Variants in BCL2L15 observed in about 807,000 individuals in gnomAD.
The protein encoded by BCL2L15 is bcl-2-like protein 15.
Under a neutral mutation model 18.3 loss-of-function variants are expected in BCL2L15, and 15 were observed. The ratio of observed to expected loss-of-function variants is 0.82; its 90% CI spans 0.55 to 1.26. The LOEUF (loss-of-function observed/expected upper bound fraction) is 1.26. Ranked by LOEUF, BCL2L15 falls within the 50% of genes most tolerant of loss-of-function variation. The pLI is 0.00. For missense variants in BCL2L15, 180 were observed against 201.7 expected (o/e 0.89, Z 0.65); for synonymous variants, 58 against 68.5 (o/e 0.85, Z 0.76).
intron 1 of BCL2L15, 59 bp downstream of exon 1, chr1:113,887,190 G>A (rs1383644582): frequency 1.5e-5 from 23 of 1,522,640 alleles, no homozygotes; most frequent in Admixed American, 3.4e-5. Context: ...CAGTCACTGC[G>A]CCCGGCTGAA....
rs772261515 is a variant in BCL2L15, at chr1:113,881,851, TCCCACTACTTCAG to T, written c.383_395del (p.Pro128HisfsTer7). The stretch of plus-strand genomic sequence containing the variant: ...TACCCGTCATGGGGATAGCCACCTG[TCCCACTACTTCAG>T]GAGCAATGTGAGCCATGTACTCAAG... On this transcript the variant is annotated frameshift_variant, in exon 3 of 4. Coordinates refer to ENST00000393316, the MANE Select transcript of BCL2L15 (RefSeq NM_001010922.3). LOFTEE classifies it high-confidence loss of function. 5 of 1,614,222 alleles carry T rather than the reference TCCCACTACTTCAG, an allele frequency of 3.1e-6. No homozygotes were observed. The South Asian group carries it at 5.5e-5, about 18-fold the overall frequency.
intron 2 of BCL2L15, among the ~76,000 whole-genome samples, chr1:113,885,771 G>A (rs1015072127): frequency 8.5e-5 from 13 of 152,216 alleles, no homozygotes; most frequent in Middle Eastern, 3.4e-3. Context: ...GGCCAGGCGC[G>A]GTGGCTCACC....
rs1666754785 is a variant in BCL2L15, at chr1:113,877,352, T to C, written c.*3771A>G. ...TTTTTTTTTTTTAAAAAAAACAACC[T>C]TATTAAGGTAGTGCTGATGTACAAT... On this transcript the variant is annotated 3_prime_UTR_variant, in exon 4 of 4. Coordinates refer to ENST00000393316, the MANE Select transcript of BCL2L15 (RefSeq NM_001010922.3). 6.6e-6 allele frequency among the ~76,000 whole-genome samples: 1 copy of C among 151,452 alleles called. No homozygotes were observed. Among genetic ancestry groups the C allele is most frequent in the Admixed American group, 6.6e-5 (1 of 15,238 alleles).
chr1:113,887,121 C>T, intron 1 of BCL2L15, 128 bp downstream of exon 1: 1 of 815,526 alleles, frequency 1.2e-6, no homozygotes, highest in Non-Finnish European at 1.9e-6. Context: ...GGATCTCAAA[C>T]CCCTGACTTC....
Position 113,886,779 on chromosome 1 carries a change from G to A in BCL2L15, c.128-121C>T, listed in dbSNP as rs192572528. On this transcript the variant is annotated intron_variant, in intron 1 of 3. Transcript: ENST00000393316. ...ATTTTCATATCATGATCTCCCAAGA[G>A]CTTAAATGTTCTGTCAACACCAATA... The A allele has an allele frequency of 9.2e-5, 87 of 944,890 alleles. No homozygotes were observed. In the Admixed American group the frequency reaches 1.1e-3, roughly 12 times the overall value. 58.5% of individuals were successfully genotyped at this position (944,890 alleles called of 1,614,324 possible). A position where few individuals can be genotyped will look rare whatever the true frequency, so the allele number is the denominator to read the frequency against.
rs1403482503 is a variant in BCL2L15 at position 113,887,257 on chromosome 1, A to T, written c.119T>A (p.Val40Glu). Reference sequence around the variant, plus strand: ...TAGGGCAGGAACCTTACCTGAATCTACTTCATCTACACAGCATAGGTTCCG... The same window carrying T: ...TAGGGCAGGAACCTTACCTGAATCTTCTTCATCTACACAGCATAGGTTCCG... The part of the protein sequence containing the change: ...ASRNLCCVDE[V>E]DSGEPCSFDV... Residue 40 changes from valine (V) to glutamate (E), a missense_variant, in exon 1 of 4, where the codon GTA (valine) becomes GAA (glutamate). Coordinates refer to ENST00000393316, the MANE Select transcript of BCL2L15 (RefSeq NM_001010922.3). 1 of 1,613,704 alleles carries T rather than the reference A, an allele frequency of 6.2e-7. No homozygotes were observed. The highest frequency in any genetic ancestry group is 1.1e-5 in the South Asian group (1 of 91,054).
chr1:113,880,421 TCCAGA>T lies in BCL2L15; in HGVS notation c.*697_*701del, dbSNP rs1278069613. 1.3e-5 allele frequency: 2 copies of T among 152,276 alleles called. No individual in the cohort carries two copies. The highest frequency in any genetic ancestry group is 2.4e-5 in the African/African-American group (1 of 41,414). The allele number at this position is 152,276 out of a possible 1,614,324, so 9.4% of individuals were successfully genotyped here. On this transcript the variant is annotated 3_prime_UTR_variant, in exon 4 of 4. Coordinates refer to ENST00000393316, the MANE Select transcript of BCL2L15 (RefSeq NM_001010922.3). ...GCGGGCGAATCACGAGGTCAGGAGA[TCCAGA>T]CCATCCTGGCTAACACGGCGAAACC...
rs202118157 is a variant in BCL2L15, at chr1:113,886,628, A to G, written c.158T>C (p.Ile53Thr). 2.3e-4 allele frequency: 363 copies of G among 1,611,988 alleles called. 2 individuals are homozygous for G. Among genetic ancestry groups the G allele is most frequent in the Non-Finnish European group, 2.8e-4 (327 of 1,179,522 alleles). ...GEPCSFDVAI[I>T]AGRLRMLGDQ... is the part of the protein sequence containing the mutation. ...ACCCAACATCCGAAGGCGACCAGCAATGATAGCCACATCAAAAGAACAAGG... is the reference window on the plus strand; with the variant it reads ...ACCCAACATCCGAAGGCGACCAGCAGTGATAGCCACATCAAAAGAACAAGG... Residue 53 changes from isoleucine to threonine, a missense_variant, in exon 2 of 4, where the codon ATT becomes ACT. Physicochemically the swap from Ile to Thr is moderately conservative, Grantham distance 89 (BLOSUM62 -1). Transcript: ENST00000393316.
At position 113,878,264 on chromosome 1, in the gene BCL2L15, G is replaced by A. The variant is rs1298335182; in HGVS notation, c.*2859C>T. On this transcript the variant is annotated 3_prime_UTR_variant, in exon 4 of 4. Transcript: ENST00000393316. Reference sequence around the variant, plus strand: ...TTACAAATGTAGAAACTAAGGTACAGAAGAATTATGTCTCTTGCCCAATGT... The same window carrying A: ...TTACAAATGTAGAAACTAAGGTACAAAAGAATTATGTCTCTTGCCCAATGT... The A allele has an allele frequency of 6.6e-6, 1 of 152,210 alleles. No homozygotes were observed. Among genetic ancestry groups the A allele is most frequent in the African/African-American group, 2.4e-5 (1 of 41,454 alleles). 9.4% of individuals were successfully genotyped at this position (152,210 alleles called of 1,614,324 possible).
rs1459360622 is a variant in BCL2L15, at chr1:113,882,023, A to G, written c.250-26T>C. ...CTGAGGAAAGACAAAGGAAACATCA[A>G]CAGAGTATCACTCAAAAAGTGCAGG... is the stretch of plus-strand genomic sequence containing the variant. On this transcript the variant is annotated intron_variant, in intron 2 of 3. Transcript: ENST00000393316. The G allele has an allele frequency of 2.5e-6, 4 of 1,591,644 alleles. No individual in the cohort carries two copies. The South Asian group carries it at 4.5e-5, about 18-fold the overall frequency.
In BCL2L15 at chr1:113,887,556, C is replaced by G; in HGVS notation, c.-181G>C. On this transcript the variant is annotated 5_prime_UTR_variant, in exon 1 of 4. Coordinates refer to ENST00000393316, the MANE Select transcript of BCL2L15 (RefSeq NM_001010922.3). ...ACAGCTGCTCAGAAAGGTGGGACTT[C>G]TCAGAAGGATTACCTACTTGGAACT... 1.4e-6 allele frequency: 1 copy of G among 729,996 alleles called. No individual in the cohort carries two copies. The highest frequency in any genetic ancestry group is 1.8e-5 in the South Asian group (1 of 54,856). The allele number at this position is 729,996 out of a possible 1,614,324, so 45.2% of individuals were successfully genotyped here.
At chr1:113,883,286 G>C (rs1411006591) in intron 2 of BCL2L15, among the ~76,000 whole-genome samples, 1 of 152,102 alleles carries the variant, frequency 6.6e-6, no homozygotes, top group African/African-American at 2.4e-5. Context: ...TTCAAGACCA[G>C]TCTGGCCAAC....
chr1:113,886,481 G>A (rs1667038867), intron 2 of BCL2L15, 56 bp downstream of exon 2: 6 of 1,561,738 alleles, frequency 3.8e-6, no homozygotes, highest in East Asian at 2.3e-5. Flanking sequence ...AGTAAGAAAA[G>A]GAAGTTTGAA....
At position 113,880,598 on chromosome 1, in the gene BCL2L15, C is replaced by T. The variant is rs550397938; in HGVS notation, c.*525G>A. The stretch of plus-strand genomic sequence containing the variant: ...CTGAGATCGCACCACTGCACTCCAG[C>T]CTGGGTGACAGAGTGAGACTACGTC... On this transcript the variant is annotated 3_prime_UTR_variant, in exon 4 of 4. Coordinates refer to ENST00000393316, the MANE Select transcript of BCL2L15 (RefSeq NM_001010922.3). 2 of 154,342 alleles carry T rather than the reference C, an allele frequency of 1.3e-5. No individual in the cohort carries two copies. The highest frequency in any genetic ancestry group is 2.4e-5 in the African/African-American group (1 of 41,444). The allele number at this position is 154,342 out of a possible 1,614,324, so 9.6% of individuals were successfully genotyped here.
rs1275435927 is a variant in BCL2L15, at chr1:113,877,167, A to C, written c.*3956T>G. Among the ~76,000 whole-genome samples the C allele has an allele frequency of 6.6e-6, 1 of 152,048 alleles. No individual in the cohort carries two copies. The highest frequency in any genetic ancestry group is 2.4e-5 in the African/African-American group (1 of 41,374). On this transcript the variant is annotated 3_prime_UTR_variant, in exon 4 of 4. Coordinates refer to ENST00000393316, the MANE Select transcript of BCL2L15 (RefSeq NM_001010922.3). ...ATGAAACATAGGGAACAGTAGGAGG[A>C]GGGCAGCTTTAGTGACTGGCTCGGT... is the stretch of plus-strand genomic sequence containing the variant.
intron 2 of BCL2L15, among the ~76,000 whole-genome samples, chr1:113,882,712 G>A (rs985727582): frequency 6.6e-6 from 1 of 152,166 alleles, no homozygotes; most frequent in African/African-American, 2.4e-5. Context: ...GCGAAAGTGG[G>A]AGGATCACAT....
chr1:113,881,373 G>GAT, intron 3 of BCL2L15: 1 of 1,069,320 alleles, frequency 9.4e-7, no homozygotes, highest in Non-Finnish European at 1.3e-6. Flanking sequence ...TTTTTTCTTA[G>GAT]ATACTATTAA....
chr1:113,882,638 C>G (rs1485657976), intron 2 of BCL2L15, among the ~76,000 whole-genome samples: 1 of 149,744 alleles, frequency 6.7e-6, no homozygotes, highest in Non-Finnish European at 1.5e-5. Flanking sequence ...GAGCGAGACT[C>G]CATCTCAAAT....
chr1:113,886,446 T>A lies in BCL2L15; in HGVS notation c.249+91A>T, dbSNP rs1667037934. On this transcript the variant is annotated intron_variant, in intron 2 of 3. Transcript: ENST00000393316. ...AGCACCCAAATATTTTCATAGAACA[T>A]TCCTAGTCACTGTAGTATGGGAGTA... 4.0e-5 allele frequency: 53 copies of A among 1,312,482 alleles called. 1 individual carries two copies. The South Asian group carries it at 7.8e-4, about 19-fold the overall frequency. 81.3% of individuals were successfully genotyped at this position (1,312,482 alleles called of 1,614,324 possible).
Sources: gnomAD v4.1 joint callset for allele counts (sites outside exome capture counted in the v4.1 genomes callset) on GRCh38, gnomAD v4.1.1 for gene constraint, MANE v1.5 for transcripts, NCBI Gene and HGNC (gene_info 2026-07-23, HGNC 2026-07-21) for gene names.